SLC25A33: variants seen among roughly 807,000 people sequenced by gnomAD.
SLC25A33 encodes bone marrow stromal cell mitochondrial carrier protein.
A neutral mutation model predicts 35.5 loss-of-function variants in SLC25A33; 15 were observed. The ratio of observed to expected loss-of-function variants is 0.42; its 90% CI spans 0.28 to 0.65. The LOEUF is 0.65. SLC25A33 is among the 30% of genes least tolerant of loss of function. SLC25A33 has a pLI of 0.20. For synonymous variants in SLC25A33, 136 were observed against 148.7 expected (o/e 0.91, Z 0.62); for missense variants, 257 against 398.5 (o/e 0.64, Z 3.02).
chr1:9,546,174 ATTTTTTTT>A (rs746460317), intron 1 of SLC25A33, among the ~76,000 whole-genome samples: 2 of 100,520 alleles, frequency 2.0e-5, no homozygotes, highest in African/African-American at 4.6e-5. Flanking sequence ...ACACAGAGAA[ATTTTTTTT>A]TTTTTTTTTT....
In SLC25A33 at chr1:9,564,596, G is replaced by A. The variant is rs546125974; in HGVS notation, c.237-2688G>A. Among the ~76,000 whole-genome samples the A allele has an allele frequency of 4.6e-5, 7 of 151,644 alleles. No individual in the cohort carries two copies. In the South Asian group the frequency reaches 1.5e-3, roughly 32 times the overall value. Reference sequence around the variant, plus strand: ...AATAATATTCAGCCTTTAAAAAAAAGGAAATTCTGGGTGGGCACAGTGGCT... The same window carrying A: ...AATAATATTCAGCCTTTAAAAAAAAAGAAATTCTGGGTGGGCACAGTGGCT... On this transcript the variant is annotated intron_variant, in intron 2 of 6. Coordinates refer to ENST00000302692, the MANE Select transcript of SLC25A33 (RefSeq NM_032315.3).
chr1:9,548,439 A>G (rs1643212001), intron 1 of SLC25A33, among the ~76,000 whole-genome samples: 1 of 152,066 alleles, frequency 6.6e-6, no homozygotes, highest in African/African-American at 2.4e-5. Context: ...AAAATTATCT[A>G]GGTAGGGTGG....
At chr1:9,574,118 C>CTT (rs57215050) in intron 5 of SLC25A33, among the ~76,000 whole-genome samples, 2,541 of 134,310 alleles carry the variant, frequency 0.019, 75 homozygotes, top group African/African-American at 0.065. Context: ...CTTTTCTTTT[C>CTT]TTTTTTTTTT....
At position 9,551,791 on chromosome 1, in the gene SLC25A33, G is replaced by T. The variant is rs77187541; in HGVS notation, c.57-1835G>T. On this transcript the variant is annotated intron_variant, in intron 1 of 6. Transcript: ENST00000302692. ...CTTAGTAAACACTGTTTAGGAACTTGTTGAGCCCTGATGCCAGGGATGGAA... is the reference window on the plus strand; with the variant it reads ...CTTAGTAAACACTGTTTAGGAACTTTTTGAGCCCTGATGCCAGGGATGGAA... Among the ~76,000 whole-genome samples the T allele has an allele frequency of 4.4e-3, 671 of 152,150 alleles. 8 individuals are homozygous for T. The highest frequency in any genetic ancestry group is 0.016 in the African/African-American group (646 of 41,492).
intron 2 of SLC25A33, among the ~76,000 whole-genome samples, chr1:9,560,699 TAAAG>T (rs1470586380): frequency 4.0e-5 from 6 of 151,792 alleles, no homozygotes; most frequent in Non-Finnish European, 8.8e-5. Context: ...TCTATTCTGT[TAAAG>T]AAAAGTATTC....
chr1:9,570,702 G>GTTTTTTTTTTT, intron 4 of SLC25A33, among the ~76,000 whole-genome samples: 1 of 100,058 alleles, frequency 1.0e-5, no homozygotes, highest in East Asian at 3.3e-4. Context: ...GATAGATATA[G>GTTTTTTTTTTT]TTTTTTTTTT....
intron 6 of SLC25A33, among the ~76,000 whole-genome samples, chr1:9,581,002 T>A (rs1176520366): frequency 6.6e-6 from 1 of 152,174 alleles, no homozygotes; most frequent in African/African-American, 2.4e-5. Flanking sequence ...AAAAAATGCT[T>A]AGTTTATTGT....
chr1:9,544,228 T>C (rs1178596576), intron 1 of SLC25A33, among the ~76,000 whole-genome samples: 4 of 152,056 alleles, frequency 2.6e-5, no homozygotes. Context: ...CTCAGGTACT[T>C]GTCCTGCAAA....
At chr1:9,558,363 T>C (rs983692204) in intron 2 of SLC25A33, among the ~76,000 whole-genome samples, 2 of 152,140 alleles carry the variant, frequency 1.3e-5, no homozygotes, top group Non-Finnish European at 2.9e-5. Context: ...TGTTGGAGGG[T>C]CCAGGGCCCA....
In SLC25A33 at chr1:9,570,255, C is replaced by T; in HGVS notation, c.315-3C>T. 2 of 1,611,974 alleles carry T rather than the reference C, an allele frequency of 1.2e-6. No individual in the cohort carries two copies. The highest frequency in any genetic ancestry group is 1.7e-6 in the Non-Finnish European group (2 of 1,178,856). On this transcript the variant is annotated splice_region_variant and splice_polypyrimidine_tract_variant and intron_variant, in intron 3 of 6. Coordinates refer to ENST00000302692, the MANE Select transcript of SLC25A33 (RefSeq NM_032315.3). Reference sequence around the variant, plus strand: ...CTTTATAATGTTCTCTTTGTTCTAACAGGGCTGTATACTTTGCATGTTACT... The same window carrying T: ...CTTTATAATGTTCTCTTTGTTCTAATAGGGCTGTATACTTTGCATGTTACT...
At chr1:9,541,881 G>A (rs1643089460) in intron 1 of SLC25A33, among the ~76,000 whole-genome samples, 1 of 151,724 alleles carries the variant, frequency 6.6e-6, no homozygotes, top group Admixed American at 6.6e-5. Context: ...CTCACTGCAA[G>A]CTCCGCCTCC....
chr1:9,559,356 C>A (rs1197290886), intron 2 of SLC25A33, among the ~76,000 whole-genome samples: 1 of 152,096 alleles, frequency 6.6e-6, no homozygotes, highest in African/African-American at 2.4e-5. Flanking sequence ...ACATAGCAAG[C>A]ATTCCATACA....
intron 1 of SLC25A33, among the ~76,000 whole-genome samples, chr1:9,541,777 A>T (rs1569836146): frequency 6.9e-6 from 1 of 145,414 alleles, no homozygotes; most frequent in Admixed American, 6.9e-5. Context: ...ATTTTGACTT[A>T]CTGTTTTTAG....
rs372603888 is a variant in SLC25A33 at position 9,570,239 on chromosome 1, G to A, written c.315-19G>A. On this transcript the variant is annotated intron_variant, in intron 3 of 6. Transcript: ENST00000302692. ...TGCACTGTGATGATTTCTTTATAAT[G>A]TTCTCTTTGTTCTAACAGGGCTGTA... The A allele has an allele frequency of 3.1e-6, 5 of 1,603,772 alleles. No homozygotes were observed. In the African/African-American group the frequency reaches 5.4e-5, roughly 17 times the overall value.
chr1:9,575,636 C>T lies in SLC25A33; in HGVS notation c.482+2224C>T, dbSNP rs1017173935. Among the ~76,000 whole-genome samples the T allele has an allele frequency of 7.9e-5, 12 of 151,828 alleles. 1 individual carries two copies. Among genetic ancestry groups the T allele is most frequent in the Admixed American group, 6.6e-4 (10 of 15,206 alleles). The stretch of plus-strand genomic sequence containing the variant: ...TCTGGAAAAAAAAACGAAAGCAAAA[C>T]GAAAGGAGGCAGGGAGTACCCCAGG... On this transcript the variant is annotated intron_variant, in intron 5 of 6. Transcript: ENST00000302692.
intron 6 of SLC25A33, among the ~76,000 whole-genome samples, chr1:9,580,588 T>G (rs2100416018): frequency 6.6e-6 from 1 of 152,306 alleles, no homozygotes; most frequent in East Asian, 1.9e-4. Context: ...CGGGGCACGG[T>G]GGCTCACGCC....
At chr1:9,544,038 G>A (rs1022406627) in intron 1 of SLC25A33, among the ~76,000 whole-genome samples, 2 of 152,092 alleles carry the variant, frequency 1.3e-5, no homozygotes, top group African/African-American at 4.8e-5. Context: ...CTGGGAGGTG[G>A]AGGTTGCAGT....
intron 2 of SLC25A33, chr1:9,556,365 T>G (rs773930037): frequency 5.8e-6 from 3 of 515,942 alleles, no homozygotes; most frequent in Non-Finnish European, 7.5e-6. Context: ...AAAGTGTGGG[T>G]GTCAATAGGG....
In SLC25A33 at chr1:9,570,250, T is replaced by C. The variant is rs1346881759; in HGVS notation, c.315-8T>C. Reference sequence around the variant, plus strand: ...GATTTCTTTATAATGTTCTCTTTGTTCTAACAGGGCTGTATACTTTGCATG... The same window carrying C: ...GATTTCTTTATAATGTTCTCTTTGTCCTAACAGGGCTGTATACTTTGCATG... On this transcript the variant is annotated splice_region_variant and splice_polypyrimidine_tract_variant and intron_variant, in intron 3 of 6. Coordinates refer to ENST00000302692, the MANE Select transcript of SLC25A33 (RefSeq NM_032315.3). 3.1e-6 allele frequency: 5 copies of C among 1,610,854 alleles called. No homozygotes were observed. The highest frequency in any genetic ancestry group is 1.3e-5 in the African/African-American group (1 of 74,848).
Sources: gnomAD v4.1 joint callset for allele counts (sites outside exome capture counted in the v4.1 genomes callset) on GRCh38, gnomAD v4.1.1 for gene constraint, MANE v1.5 for transcripts, NCBI Gene and HGNC (gene_info 2026-07-23, HGNC 2026-07-21) for gene names.